Variants in PRKN observed in about 807,000 individuals in gnomAD.
PRKN encodes the protein E3 ubiquitin-protein ligase parkin.
In PRKN, 56 loss-of-function variants were observed where a neutral mutation model predicts 59.5. The observed-to-expected ratio is 0.94, with a 90% CI of 0.76 to 1.18. PRKN has a LOEUF of 1.18. PRKN is among the 50% of genes most tolerant of loss of function. The pLI, the probability that PRKN is intolerant of heterozygous loss-of-function variation, is 0.00. For synonymous variants in PRKN, 250 were observed against 222.1 expected, an observed-to-expected ratio of 1.13 and a Z score of -1.12; for missense variants, 657 against 596.4, an observed-to-expected ratio of 1.10 and a Z score of -1.06.
chr6:162,561,151 G>C (rs1458719433), intron 1 of PRKN, among the ~76,000 whole-genome samples: 1 of 152,176 alleles, frequency 6.6e-6, no homozygotes, highest in African/African-American at 2.4e-5. Context: ...CGCATGGAGT[G>C]ATGAAGATAA....
chr6:161,573,588 C>T (rs750168338), intron 7 of PRKN, among the ~76,000 whole-genome samples: 182 of 149,450 alleles, frequency 1.2e-3, no homozygotes, highest in Middle Eastern at 3.4e-3. Context: ...GGCGTGGTGG[C>T]GGGCGCCTGT....
chr6:162,560,852 G>GAAAAAAAAAAAAAA (rs1554244660), intron 1 of PRKN, among the ~76,000 whole-genome samples: 7 of 2,864 alleles, frequency 2.4e-3, no homozygotes, highest in Non-Finnish European at 4.3e-3. Flanking sequence ...AGAGAGAGAG[G>GAAAAAAAAAAAAAA]CAAAAAAAAA....
intron 9 of PRKN, among the ~76,000 whole-genome samples, chr6:161,450,619 T>C (rs11969983): frequency 0.18 from 27,553 of 152,004 alleles, 3,181 homozygotes; most frequent in African/African-American, 0.33. Flanking sequence ...TGCAGTGGTG[T>C]GATCTCAGCT....
chr6:161,930,996 T>A (rs1185078293), intron 6 of PRKN, among the ~76,000 whole-genome samples: 1 of 152,230 alleles, frequency 6.6e-6, no homozygotes, highest in East Asian at 1.9e-4. Flanking sequence ...TTTTAGGACT[T>A]CTGACCTACA....
intron 2 of PRKN, among the ~76,000 whole-genome samples, chr6:162,427,234 T>C (rs912168589): frequency 3.2e-4 from 48 of 152,312 alleles, no homozygotes; most frequent in African/African-American, 1.1e-3. Context: ...GGAGTTAAAT[T>C]GTTATGATCA....
chr6:161,688,287 T>C (rs2128174671), intron 7 of PRKN, among the ~76,000 whole-genome samples: 1 of 152,332 alleles, frequency 6.6e-6, no homozygotes, highest in Non-Finnish European at 1.5e-5. Context: ...TCCTTTTGGC[T>C]GTTCCGGAAG....
chr6:162,118,960 C>A (rs561970716), intron 4 of PRKN, among the ~76,000 whole-genome samples: 1 of 152,244 alleles, frequency 6.6e-6, no homozygotes, highest in East Asian at 1.9e-4. Flanking sequence ...CATTTGTGAC[C>A]AACAGCACAC....
At chr6:162,187,264 A>C (rs1784070385) in intron 4 of PRKN, among the ~76,000 whole-genome samples, 1 of 152,186 alleles carries the variant, frequency 6.6e-6, no homozygotes, top group Non-Finnish European at 1.5e-5. Context: ...ATATGCTTGG[A>C]GGTGAAGCAG....
At chr6:162,602,129 G>C (rs9458616) in intron 1 of PRKN, among the ~76,000 whole-genome samples, 46,860 of 152,018 alleles carry the variant, frequency 0.31, 7,665 homozygotes, top group East Asian at 0.5. Flanking sequence ...CCCAGGGAGC[G>C]TGCAGGAGAG....
intron 4 of PRKN, among the ~76,000 whole-genome samples, chr6:162,184,449 T>G (rs931856820): frequency 3.9e-5 from 6 of 152,166 alleles, no homozygotes; most frequent in South Asian, 2.1e-4. Context: ...TGTGGGCGAT[T>G]TCACCCATGC....
intron 6 of PRKN, among the ~76,000 whole-genome samples, chr6:161,929,817 G>C (rs956618316): frequency 2.0e-5 from 3 of 152,036 alleles, no homozygotes; most frequent in Non-Finnish European, 4.4e-5. Flanking sequence ...CTGGTCTCAC[G>C]TCAATTTTTT....
chr6:162,418,663 GA>G (rs151022449), intron 2 of PRKN, among the ~76,000 whole-genome samples: 3,104 of 87,266 alleles, frequency 0.036, 118 homozygotes, highest in African/African-American at 0.15. Flanking sequence ...CGTGTGTGTT[GA>G]GGGGGGGGAT....
intron 1 of PRKN, among the ~76,000 whole-genome samples, chr6:162,680,565 C>G (rs930986690): frequency 4.0e-5 from 6 of 151,784 alleles, no homozygotes; most frequent in African/African-American, 1.2e-4. Context: ...GGTACCAGAT[C>G]TGTTTCTAGT....
chr6:162,178,872 TTTGC>T (rs1249783616), intron 4 of PRKN, among the ~76,000 whole-genome samples: 4 of 152,098 alleles, frequency 2.6e-5, no homozygotes, highest in African/African-American at 9.7e-5. Context: ...TTTTCGCTTG[TTTGC>T]TTGTTTGTTT....
intron 2 of PRKN, among the ~76,000 whole-genome samples, chr6:162,285,407 A>T (rs1195932748): frequency 6.6e-6 from 1 of 151,904 alleles, no homozygotes; most frequent in East Asian, 1.9e-4. Context: ...TTCAAGACAA[A>T]GCAGGTGTAG....
intron 1 of PRKN, among the ~76,000 whole-genome samples, chr6:162,667,687 T>C (rs570496978): frequency 6.6e-5 from 10 of 152,238 alleles, no homozygotes; most frequent in South Asian, 2.1e-4. Context: ...CAGAAAAATA[T>C]AGCATACACA....
chr6:162,372,650 C>T (rs1477736066), intron 2 of PRKN, among the ~76,000 whole-genome samples: 1 of 152,082 alleles, frequency 6.6e-6, no homozygotes, highest in Admixed American at 6.6e-5. Context: ...AACCCCAAAG[C>T]TCAGCATCAC....
intron 7 of PRKN, among the ~76,000 whole-genome samples, chr6:161,756,581 T>TTC (rs1351350007): frequency 6.6e-6 from 1 of 151,410 alleles, no homozygotes; most frequent in Admixed American, 6.6e-5. Flanking sequence ...TCTTCTTTCC[T>TTC]TCTCTCTCTC....
At chr6:162,165,638 G>A (rs1012164193) in intron 4 of PRKN, among the ~76,000 whole-genome samples, 13 of 149,298 alleles carry the variant, frequency 8.7e-5, no homozygotes, top group African/African-American at 2.3e-4. Flanking sequence ...CCGAGGCGGC[G>A]GAGCCACCGT....
Sources: allele counts gnomAD v4.1 joint callset (sites outside exome capture counted in the v4.1 genomes callset), GRCh38; gene constraint gnomAD v4.1.1; transcripts MANE v1.5; gene names NCBI Gene and HGNC (gene_info 2026-07-23, HGNC 2026-07-21).